The following KSR2 variants were observed in gnomAD, a reference collection of about 807,000 sequenced individuals.
KSR2 encodes kinase suppressor of ras 2.
A neutral mutation model predicts 107.8 loss-of-function variants in KSR2; 25 were observed. The observed-to-expected ratio is 0.23, with a 90% CI of 0.17 to 0.32. The LOEUF (loss-of-function observed/expected upper bound fraction) is 0.32, where lower values mean the gene tolerates loss of function less well. Among genes scored for constraint, KSR2 ranks in the 10% least tolerant of loss-of-function variants. The pLI is 1.00. For missense variants in KSR2, 887 were observed against 1,268.9 expected (o/e 0.70, Z 4.57); for synonymous variants, 480 against 507.0 (o/e 0.95, Z 0.71).
At chr12:117,886,255 G>T (rs1054128632) in intron 1 of KSR2, among the ~76,000 whole-genome samples, 2 of 149,600 alleles carry the variant, frequency 1.3e-5, no homozygotes, top group African/African-American at 2.4e-5. Flanking sequence ...ATATATGTAT[G>T]TTTATATAGC....
At chr12:117,537,862 C>A (rs1876159695) in intron 10 of KSR2, among the ~76,000 whole-genome samples, 1 of 152,322 alleles carries the variant, frequency 6.6e-6, no homozygotes, top group East Asian at 1.9e-4. Flanking sequence ...TTACTCCTGG[C>A]TAGGCAGGTC....
chr12:117,672,469 T>C (rs1565954283), intron 4 of KSR2, among the ~76,000 whole-genome samples: 2 of 152,098 alleles, frequency 1.3e-5, no homozygotes, highest in Admixed American at 6.5e-5. Context: ...GATAACAAGC[T>C]TGGCAGGGGA....
At chr12:117,654,430 T>C (rs560827076) in intron 5 of KSR2, among the ~76,000 whole-genome samples, 3 of 151,064 alleles carry the variant, frequency 2.0e-5, no homozygotes, top group African/African-American at 7.4e-5. Context: ...CAGGGCCTGG[T>C]TCACAGATGG....
chr12:117,855,548 C>T lies in KSR2; in HGVS notation c.352G>A (p.Asp118Asn), dbSNP rs779877271. ...EISPGQLSLE[D>N]LLEMTDEQVC... Reference sequence around the variant, plus strand: ...TGTTCATCCGTCATCTCCAAGAGGTCCTCCAGGCTCAGCTGGCCGGGGGAG... The same window carrying T: ...TGTTCATCCGTCATCTCCAAGAGGTTCTCCAGGCTCAGCTGGCCGGGGGAG... Residue 118 changes from aspartate to asparagine, a missense_variant, in exon 3 of 20, where the codon GAC (aspartate) becomes AAC (asparagine). By Grantham distance (23) the Asp-to-Asn change is conservative. This residue lies in a region of KSR2 where 399 missense variants were observed against 479.5 expected (regional missense o/e 0.83). Coordinates refer to ENST00000339824, the MANE Select transcript of KSR2 (RefSeq NM_173598.6). 8 of 1,614,028 alleles carry T rather than the reference C, an allele frequency of 5.0e-6. No homozygotes were observed. Among genetic ancestry groups the T allele is most frequent in the Non-Finnish European group, 5.9e-6 (7 of 1,179,898 alleles).
chr12:117,497,405 A>G (rs903450221), intron 14 of KSR2, among the ~76,000 whole-genome samples: 1 of 152,080 alleles, frequency 6.6e-6, no homozygotes, highest in African/African-American at 2.4e-5. Flanking sequence ...TTCCCACTAC[A>G]TTGTGTTCTT....
chr12:117,467,841 A>AT, intron 19 of KSR2: 1 of 451,870 alleles, frequency 2.2e-6, no homozygotes, highest in East Asian at 7.0e-5. Context: ...TAAAAAAAAA[A>AT]AATGAATGAA....
intron 4 of KSR2, among the ~76,000 whole-genome samples, chr12:117,746,821 T>A (rs1888426977): frequency 6.7e-6 from 1 of 149,270 alleles, no homozygotes. Flanking sequence ...AAAAAACATA[T>A]AAAAAAAAAA....
rs1005871643 is a variant in KSR2, at chr12:117,524,907, C to G, written c.2164G>C (p.Val722Leu). ...ATGCAGGCACCCATGAAAAGCACCA[C>G]GTTCTCATGCCGTGTCTGCCTGTAG... ...MAYRQTRHEN[V>L]VLFMGACMSP... Residue 722 changes from valine (V) to leucine (L), a missense_variant, in exon 14 of 20, where the codon GTG (valine) becomes CTG (leucine). This residue lies in a region of KSR2 where 308 missense variants were observed against 506.2 expected (regional missense o/e 0.61). Transcript: ENST00000339824. 2 of 1,613,648 alleles carry G rather than the reference C, an allele frequency of 1.2e-6. No homozygotes were observed. The highest frequency in any genetic ancestry group is 2.7e-5 in the African/African-American group (2 of 74,914).
At chr12:117,484,198 C>T (rs1275830344) in intron 16 of KSR2, among the ~76,000 whole-genome samples, 1 of 152,186 alleles carries the variant, frequency 6.6e-6, no homozygotes, top group Admixed American at 6.5e-5. Context: ...TCCAATCACA[C>T]ACACTCAAAG....
chr12:117,471,992 T>C (rs1871486417), intron 17 of KSR2, among the ~76,000 whole-genome samples: 1 of 152,054 alleles, frequency 6.6e-6, no homozygotes, highest in Non-Finnish European at 1.5e-5. Flanking sequence ...CTTTTTTTTT[T>C]CTAAGTATAA....
At chr12:117,632,391 A>AT (rs367696902) in intron 5 of KSR2, among the ~76,000 whole-genome samples, 4,940 of 150,990 alleles carry the variant, frequency 0.033, 255 homozygotes, top group African/African-American at 0.11. Flanking sequence ...TGCCTGGCTA[A>AT]TTTTTTTTGT....
intron 1 of KSR2, among the ~76,000 whole-genome samples, chr12:117,952,182 CACAT>C (rs1321372628): frequency 0.014 from 2,055 of 148,894 alleles, 39 homozygotes; most frequent in African/African-American, 0.047. Flanking sequence ...CACACACACA[CACAT>C]ACACATACAC....
chr12:117,709,101 C>T (rs939124840), intron 4 of KSR2, among the ~76,000 whole-genome samples: 1 of 152,154 alleles, frequency 6.6e-6, no homozygotes, highest in Non-Finnish European at 1.5e-5. Context: ...CTTAAACACA[C>T]CTGCGAAGTC....
intron 4 of KSR2, among the ~76,000 whole-genome samples, chr12:117,699,837 AC>A (rs1485255771): frequency 6.6e-6 from 1 of 152,178 alleles, no homozygotes; most frequent in Non-Finnish European, 1.5e-5. Context: ...CTATGACGTC[AC>A]TAGGTGATAG....
At chr12:117,639,853 G>A (rs182947755) in intron 5 of KSR2, among the ~76,000 whole-genome samples, 16 of 151,980 alleles carry the variant, frequency 1.1e-4, no homozygotes, top group Middle Eastern at 3.4e-3. Context: ...GAGCTTCACC[G>A]CAGCTTCTGC....
intron 5 of KSR2, among the ~76,000 whole-genome samples, chr12:117,595,659 G>A (rs1417316206): frequency 1.1e-4 from 16 of 152,280 alleles, no homozygotes; most frequent in East Asian, 3.9e-4. Flanking sequence ...CACCGCGCCC[G>A]GCCCTGCTAG....
At position 117,761,130 on chromosome 12, in the gene KSR2, C is replaced by T; in HGVS notation, c.867G>A (p.Gly289=). 6.8e-6 allele frequency: 11 copies of T among 1,612,522 alleles called. No individual in the cohort carries two copies. The highest frequency in any genetic ancestry group is 9.3e-6 in the Non-Finnish European group (11 of 1,179,118). ...MRKKNKLKPP[G]TPPPSSRKLI... Reference sequence around the variant, plus strand: ...GTTTTCGGGAGGAGGGCGGTGGGGTCCCCGGGGGCTTCAGCTTGTTCTTCT... The same window carrying T: ...GTTTTCGGGAGGAGGGCGGTGGGGTTCCCGGGGGCTTCAGCTTGTTCTTCT... The change falls in exon 4 of 20, where the codon GGG becomes GGA. Residue 289 remains glycine (G), a synonymous_variant. Coordinates refer to ENST00000339824, the MANE Select transcript of KSR2 (RefSeq NM_173598.6).
At chr12:117,519,442 G>A (rs1874598142) in intron 14 of KSR2, among the ~76,000 whole-genome samples, 1 of 152,168 alleles carries the variant, frequency 6.6e-6, no homozygotes, top group Non-Finnish European at 1.5e-5. Context: ...AGCGGGGGAG[G>A]GTGGGAGAGA....
At chr12:117,682,397 C>T (rs1389752446) in intron 4 of KSR2, among the ~76,000 whole-genome samples, 1 of 152,064 alleles carries the variant, frequency 6.6e-6, no homozygotes, top group Non-Finnish European at 1.5e-5. Flanking sequence ...ACCTGCATGT[C>T]CTGCACATGT....
Sources: allele counts gnomAD v4.1 joint callset (sites outside exome capture counted in the v4.1 genomes callset), GRCh38; gene constraint gnomAD v4.1.1; regional missense constraint gnomAD v4.1.1; transcripts MANE v1.5; gene names NCBI Gene and HGNC (gene_info 2026-07-23, HGNC 2026-07-21).